Variants in SETX observed in about 807,000 individuals in gnomAD.
SETX encodes helicase senataxin.
Under a neutral mutation model 227.2 loss-of-function variants are expected in SETX, and 90 were observed. The ratio of observed to expected loss-of-function variants is 0.40; its 90% CI spans 0.33 to 0.47. The LOEUF is 0.47. Among genes scored for constraint, SETX ranks in the 20% least tolerant of loss-of-function variants. The pLI, the probability that SETX is intolerant of heterozygous loss-of-function variation, is 0.91. For synonymous variants in SETX, 1,210 were observed against 1,113.2 expected (o/e 1.09, Z -1.73); for missense variants, 3,052 against 3,181.5 (o/e 0.96, Z 0.98).
rs369782193 is a variant in SETX, at chr9:132,278,059, G to C, written c.6842+11C>G. 11 of 1,611,194 alleles carry C rather than the reference G, an allele frequency of 6.8e-6. No individual in the cohort carries two copies. Among genetic ancestry groups the C allele is most frequent in the Non-Finnish European group, 9.3e-6 (11 of 1,177,724 alleles). On this transcript the variant is annotated intron_variant, in intron 21 of 25. Coordinates refer to ENST00000224140, the MANE Select transcript of SETX (RefSeq NM_015046.7). The stretch of plus-strand genomic sequence containing the variant: ...AACAAAATAAGGTCACAAACAATAA[G>C]GGGAACTCACCTATTTGTTTTTAAG...
At chr9:132,302,964 G>T (rs932988140) in intron 11 of SETX, among the ~76,000 whole-genome samples, 9 of 152,058 alleles carry the variant, frequency 5.9e-5, no homozygotes, top group African/African-American at 2.2e-4. Flanking sequence ...AATGAGAAAG[G>T]CTACATTTTT....
intron 20 of SETX, among the ~76,000 whole-genome samples, chr9:132,278,578 C>A (rs572369343): frequency 6.6e-6 from 1 of 150,578 alleles, no homozygotes; most frequent in East Asian, 2.0e-4. Context: ...TCTCTGGCCT[C>A]CTGAGTAGCT....
At chr9:132,289,797 T>C (rs992688682) in intron 15 of SETX, among the ~76,000 whole-genome samples, 1 of 152,244 alleles carries the variant, frequency 6.6e-6, no homozygotes, top group Non-Finnish European at 1.5e-5. Flanking sequence ...CAATTTAACC[T>C]GCCTGTTTAC....
At position 132,300,613 on chromosome 9, in the gene SETX, C is replaced by T. The variant is rs1313333580; in HGVS notation, c.5548+17G>A. The T allele has an allele frequency of 1.9e-6, 3 of 1,611,960 alleles. No homozygotes were observed. Among genetic ancestry groups the T allele is most frequent in the Non-Finnish European group, 2.5e-6 (3 of 1,178,632 alleles). On this transcript the variant is annotated intron_variant, in intron 12 of 25. Transcript: ENST00000224140. ...CTGTATCTGACATTTCCTGTCAATG[C>T]CTCATTATTTACTTACTGACTGACG...
At chr9:132,349,115 CA>C in intron 3 of SETX, 136 bp downstream of exon 3, 1 of 892,228 alleles carries the variant, frequency 1.1e-6, no homozygotes, top group South Asian at 1.5e-5. Context: ...ACAACAAAAA[CA>C]AAACAAAAAC....
intron 22 of SETX, among the ~76,000 whole-genome samples, chr9:132,276,405 G>A (rs984571160): frequency 7.2e-5 from 11 of 152,024 alleles, no homozygotes; most frequent in African/African-American, 1.7e-4. Context: ...CTTATCTAAC[G>A]CCTGATTCTC....
chr9:132,317,838 T>C (rs1846079409), intron 10 of SETX, among the ~76,000 whole-genome samples: 1 of 152,138 alleles, frequency 6.6e-6, no homozygotes, highest in Non-Finnish European at 1.5e-5. Context: ...TCCTGGAACT[T>C]ATGATTTTAA....
intron 12 of SETX, 100 bp from the exon 13 acceptor site, chr9:132,298,412 G>A (rs1844800653): frequency 9.8e-7 from 1 of 1,017,936 alleles, no homozygotes; most frequent in African/African-American, 1.6e-5. Context: ...CATATTTTTG[G>A]ATATTATTTA....
In SETX at chr9:132,298,484, G is replaced by A. The variant is rs7874311; in HGVS notation, c.5549-172C>T. Among the ~76,000 whole-genome samples, 8,478 of 152,094 alleles carry A rather than the reference G, an allele frequency of 0.056. 369 individuals are homozygous for A. The highest frequency in any genetic ancestry group is 0.25 in the East Asian group (1,318 of 5,184). ...TGAACCCAGTAATGTTCTGTCCTCC[G>A]GAGGCTTATTTTCTAGAAGATGGAG... On this transcript the variant is annotated intron_variant, in intron 12 of 25. Coordinates refer to ENST00000224140, the MANE Select transcript of SETX (RefSeq NM_015046.7).
At position 132,328,221 on chromosome 9, in the gene SETX, T is replaced by C. The variant is rs984659882; in HGVS notation, c.3377A>G (p.Tyr1126Cys). Residue 1126 changes from tyrosine to cysteine, a missense_variant, in exon 10 of 26, where the codon TAT (tyrosine) becomes TGT (cysteine). Tyr to Cys is a radical substitution (Grantham distance 194). Transcript: ENST00000224140. Reference protein sequence around the residue: ...NTTNGQGCTDYVSEVVKKGAE... With the variant: ...NTTNGQGCTDCVSEVVKKGAE... ...TCCTTTTTTAACAACTTCAGATACATAATCTGTACAACCCTGACCATTTGT... is the reference window on the plus strand; with the variant it reads ...TCCTTTTTTAACAACTTCAGATACACAATCTGTACAACCCTGACCATTTGT... The C allele has an allele frequency of 6.2e-7, 1 of 1,614,222 alleles. No homozygotes were observed. The highest frequency in any genetic ancestry group is 8.5e-7 in the Non-Finnish European group (1 of 1,180,038).
At chr9:132,307,354 T>C (rs1845394873) in intron 11 of SETX, among the ~76,000 whole-genome samples, 2 of 152,062 alleles carry the variant, frequency 1.3e-5, no homozygotes, top group Non-Finnish European at 2.9e-5. Flanking sequence ...TTTTTTTAAT[T>C]TGGATATGCA....
In SETX at chr9:132,295,858, C is replaced by T. The variant is rs73661157; in HGVS notation, c.6106+14G>A. 23,485 of 1,609,814 alleles carry T rather than the reference C, an allele frequency of 0.015. 206 individuals carry two copies. The highest frequency in any genetic ancestry group is 0.025 in the African/African-American group (1,885 of 74,960). On this transcript the variant is annotated intron_variant, in intron 15 of 25. Coordinates refer to ENST00000224140, the MANE Select transcript of SETX (RefSeq NM_015046.7). ...AAAACAAAAACAAATTTAAAATCCA[C>T]AAAAGTATCATACCTAAAGGATTCT... is the stretch of plus-strand genomic sequence containing the variant.
chr9:132,311,257 G>A (rs569822960), intron 11 of SETX, among the ~76,000 whole-genome samples: 7 of 152,196 alleles, frequency 4.6e-5, no homozygotes, highest in South Asian at 4.2e-4. Context: ...ATGAGCCACC[G>A]CACCCAGCCT....
At chr9:132,290,919 A>G (rs931660462) in intron 15 of SETX, among the ~76,000 whole-genome samples, 5 of 149,140 alleles carry the variant, frequency 3.4e-5, no homozygotes, top group Admixed American at 3.3e-4. Context: ...GTTTGTCAGC[A>G]TTTATTCTAA....
chr9:132,271,297 C>T (rs1842890733), intron 24 of SETX, among the ~76,000 whole-genome samples: 1 of 152,240 alleles, frequency 6.6e-6, no homozygotes, highest in South Asian at 2.1e-4. Context: ...GGCGCAGTGA[C>T]TCACGCCTGT....
chr9:132,290,572 C>T (rs1179353856), intron 15 of SETX, among the ~76,000 whole-genome samples: 2 of 70,852 alleles, frequency 2.8e-5, no homozygotes, highest in East Asian at 1.1e-3. Flanking sequence ...GAGACTCCGT[C>T]TCAAAAAAAA....
intron 21 of SETX, 60 bp downstream of exon 21, chr9:132,278,010 A>G (rs749394973): frequency 5.4e-6 from 8 of 1,482,868 alleles, no homozygotes; most frequent in East Asian, 4.5e-5. Flanking sequence ...TAAAATGTCT[A>G]TTCTTCATAA....
chr9:132,315,073 C>T (rs569877954), intron 10 of SETX, among the ~76,000 whole-genome samples: 116 of 151,760 alleles, frequency 7.6e-4, no homozygotes, highest in Non-Finnish European at 1.0e-3. Context: ...CCACCACGCC[C>T]GGCTAATTTT....
At chr9:132,348,179 G>T (rs1460396996) in intron 3 of SETX, among the ~76,000 whole-genome samples, 2 of 151,514 alleles carry the variant, frequency 1.3e-5, no homozygotes, top group South Asian at 4.2e-4. Context: ...GGCCAACATG[G>T]TAAAACCCCA....
Sources: allele counts gnomAD v4.1 joint callset (sites outside exome capture counted in the v4.1 genomes callset), GRCh38; gene constraint gnomAD v4.1.1; transcripts MANE v1.5; gene names NCBI Gene and HGNC (gene_info 2026-07-23, HGNC 2026-07-21).